Variants in IQGAP2 observed in about 807,000 individuals in gnomAD.
The protein encoded by IQGAP2 is ras GTPase-activating-like protein IQGAP2.
IQGAP2 carries 173 observed loss-of-function variants against 201.3 expected under a neutral mutation model. The observed-to-expected ratio is 0.86, with a 90% CI of 0.76 to 0.98. The LOEUF is 0.98. Among genes scored for constraint, IQGAP2 ranks in the 50% least tolerant of loss-of-function variants. The pLI is 0.00. For missense variants in IQGAP2, 1,687 were observed against 1,864.8 expected, an observed-to-expected ratio of 0.90 and a Z score of 1.76; for synonymous variants, 675 against 673.9, an observed-to-expected ratio of 1.00 and a Z score of -0.03.
chr5:76,497,477 G>T (rs1417597410), intron 2 of IQGAP2, among the ~76,000 whole-genome samples: 1 of 152,184 alleles, frequency 6.6e-6, no homozygotes, highest in Admixed American at 6.5e-5. Flanking sequence ...ACTCATTTCA[G>T]TGAAGATAAC....
At chr5:76,576,284 G>C (rs922776277) in intron 5 of IQGAP2, among the ~76,000 whole-genome samples, 2 of 152,160 alleles carry the variant, frequency 1.3e-5, no homozygotes, top group Non-Finnish European at 2.9e-5. Context: ...AAACATAGTA[G>C]TTTGGTGTAA....
chr5:76,537,407 C>G (rs1040639597), intron 2 of IQGAP2, among the ~76,000 whole-genome samples: 1 of 151,858 alleles, frequency 6.6e-6, no homozygotes, highest in African/African-American at 2.4e-5. Flanking sequence ...CAACTTTGGA[C>G]TCTTGACATT....
At chr5:76,681,408 A>G (rs564892205) in intron 28 of IQGAP2, among the ~76,000 whole-genome samples, 2 of 152,170 alleles carry the variant, frequency 1.3e-5, no homozygotes, top group South Asian at 2.1e-4. Flanking sequence ...TAAACAAAGG[A>G]CTTTAACAGA....
At chr5:76,584,092 C>T (rs935265158) in intron 5 of IQGAP2, among the ~76,000 whole-genome samples, 3 of 151,960 alleles carry the variant, frequency 2.0e-5, no homozygotes, top group African/African-American at 7.3e-5. Flanking sequence ...AGGCTGGTCT[C>T]GAACTCCTGA....
chr5:76,621,909 G>A (rs1193572191), intron 13 of IQGAP2, among the ~76,000 whole-genome samples: 6 of 152,164 alleles, frequency 3.9e-5, no homozygotes, highest in Non-Finnish European at 4.4e-5. Flanking sequence ...TCTCAGGGGT[G>A]TCCAAGGGAG....
intron 21 of IQGAP2, 107 bp from the exon 22 acceptor site, chr5:76,664,919 G>A (rs1743609603): frequency 1.5e-6 from 1 of 671,680 alleles, no homozygotes; most frequent in Non-Finnish European, 2.6e-6. Flanking sequence ...ACAATACAAT[G>A]AGGTATGCCT....
At chr5:76,455,574 A>G (rs1350929678) in intron 1 of IQGAP2, among the ~76,000 whole-genome samples, 1 of 152,176 alleles carries the variant, frequency 6.6e-6, no homozygotes. Flanking sequence ...ACCCTCTTTC[A>G]TGTGTAGATC....
intron 33 of IQGAP2, among the ~76,000 whole-genome samples, chr5:76,698,900 C>A (rs2150552678): frequency 6.6e-6 from 1 of 152,174 alleles, no homozygotes; most frequent in Admixed American, 6.5e-5. Context: ...TCCTGGGGTA[C>A]AAGGTGATGT....
intron 2 of IQGAP2, among the ~76,000 whole-genome samples, chr5:76,526,034 A>C (rs762313037): frequency 2.6e-5 from 4 of 152,252 alleles, no homozygotes; most frequent in Non-Finnish European, 5.9e-5. Flanking sequence ...TTCCTGTCCC[A>C]GTCCCCAAAA....
chr5:76,595,579 AGAG>A (rs1746971183), intron 9 of IQGAP2, among the ~76,000 whole-genome samples: 2 of 89,150 alleles, frequency 2.2e-5, no homozygotes, highest in Non-Finnish European at 5.3e-5. Context: ...GGCAACAAAG[AGAG>A]ACTCAGTCTT....
chr5:76,672,265 C>T (rs528706077), intron 24 of IQGAP2, among the ~76,000 whole-genome samples: 2 of 150,950 alleles, frequency 1.3e-5, no homozygotes, highest in African/African-American at 4.9e-5. Flanking sequence ...ATGGTGTAGA[C>T]TCTCTCTTCA....
At chr5:76,630,086 T>C (rs1372859418) in intron 14 of IQGAP2, among the ~76,000 whole-genome samples, 1 of 152,228 alleles carries the variant, frequency 6.6e-6, no homozygotes, top group Non-Finnish European at 1.5e-5. Flanking sequence ...TTTCTTTTCC[T>C]GGTTGGTTGT....
chr5:76,417,005 AT>A (rs1181943269), intron 1 of IQGAP2, among the ~76,000 whole-genome samples: 3 of 150,910 alleles, frequency 2.0e-5, no homozygotes, highest in African/African-American at 4.9e-5. Flanking sequence ...ATTAAAAAAA[AT>A]TTTTTTTTGT....
chr5:76,533,844 A>G (rs4235700), intron 2 of IQGAP2, among the ~76,000 whole-genome samples: 76,280 of 152,036 alleles, frequency 0.5, 19,470 homozygotes, highest in South Asian at 0.75. Flanking sequence ...GGCTTGCCCT[A>G]TTATTTTAAA....
At chr5:76,583,802 T>C (rs1008589112) in intron 5 of IQGAP2, among the ~76,000 whole-genome samples, 2 of 152,246 alleles carry the variant, frequency 1.3e-5, no homozygotes, top group African/African-American at 4.8e-5. Flanking sequence ...AACATTTTAC[T>C]TCATGTTATC....
chr5:76,422,035 A>G (rs1580156334), intron 1 of IQGAP2, among the ~76,000 whole-genome samples: 1 of 152,344 alleles, frequency 6.6e-6, no homozygotes, highest in South Asian at 2.1e-4. Flanking sequence ...AGCTATTAAT[A>G]TAATATTTCC....
rs540744402 is a variant in IQGAP2, at chr5:76,667,877, C to CTTTTTT, written c.2680-786_2680-781dup. ...TGTAGCCGGGCCCTTAGTCCACTTT[C>CTTTTTT]TTTTTTTTTTTTTTTTTTTTTTTGA... On this transcript the variant is annotated intron_variant, in intron 22 of 35. Coordinates refer to ENST00000274364, the MANE Select transcript of IQGAP2 (RefSeq NM_006633.5). 4.6e-4 allele frequency among the ~76,000 whole-genome samples: 57 copies of CTTTTTT among 123,412 alleles called. 2 individuals are homozygous for CTTTTTT. The highest frequency in any genetic ancestry group is 8.2e-4 in the South Asian group (3 of 3,644). The allele number at this position is 123,412 out of a possible 152,430, so 81.0% of individuals were successfully genotyped here.
At chr5:76,461,352 T>C (rs1470795064) in intron 1 of IQGAP2, among the ~76,000 whole-genome samples, 1 of 145,654 alleles carries the variant, frequency 6.9e-6, no homozygotes, top group Non-Finnish European at 1.5e-5. Context: ...TGGGTGACAG[T>C]GCCAGTTCCT....
intron 11 of IQGAP2, among the ~76,000 whole-genome samples, chr5:76,602,537 C>G (rs990002840): frequency 2.0e-5 from 3 of 152,128 alleles, no homozygotes; most frequent in Non-Finnish European, 2.9e-5. Flanking sequence ...CAGATGGAGC[C>G]TCACAGTTCG....
Sources: gnomAD v4.1 joint callset for allele counts (sites outside exome capture counted in the v4.1 genomes callset) on GRCh38, gnomAD v4.1.1 for gene constraint, MANE v1.5 for transcripts, NCBI Gene and HGNC (gene_info 2026-07-23, HGNC 2026-07-21) for gene names.